Variants in CNTN4 observed in about 807,000 individuals in gnomAD.
CNTN4 encodes contactin 4, also known as contactin-4.
In CNTN4, 77 loss-of-function variants were observed where a neutral mutation model predicts 122.5. That is an observed-to-expected ratio of 0.63 (90% confidence interval 0.52 to 0.76). The LOEUF (loss-of-function observed/expected upper bound fraction) is 0.76. CNTN4 is among the 30% of genes least tolerant of loss of function. CNTN4 has a pLI of 0.00. For missense variants in CNTN4, 1,256 were observed against 1,259.1 expected (o/e 1.00, Z 0.04); for synonymous variants, 512 against 447.0 (o/e 1.15, Z -1.83).
chr3:2,569,745 C>T (rs2079337026), intron 3 of CNTN4, among the ~76,000 whole-genome samples: 1 of 151,898 alleles, frequency 6.6e-6, no homozygotes, highest in Admixed American at 6.6e-5. Flanking sequence ...ATGAGATCTC[C>T]CGGTTCCATA....
At chr3:2,237,846 G>T (rs2039744757) in intron 2 of CNTN4, among the ~76,000 whole-genome samples, 1 of 151,916 alleles carries the variant, frequency 6.6e-6, no homozygotes, top group Non-Finnish European at 1.5e-5. Context: ...AATTAATTTT[G>T]CTTACTTCAG....
At chr3:2,582,314 C>A (rs1169260156) in intron 4 of CNTN4, among the ~76,000 whole-genome samples, 1 of 152,164 alleles carries the variant, frequency 6.6e-6, no homozygotes, top group Non-Finnish European at 1.5e-5. Flanking sequence ...CCAGTTCTCT[C>A]ATTTTACACA....
chr3:2,723,757 G>A (rs921140746), intron 4 of CNTN4, among the ~76,000 whole-genome samples: 1 of 152,166 alleles, frequency 6.6e-6, no homozygotes, highest in Non-Finnish European at 1.5e-5. Flanking sequence ...ATAGTGCTCA[G>A]CGTACCAGAA....
chr3:2,959,995 C>A (rs1222710757), intron 13 of CNTN4, among the ~76,000 whole-genome samples: 1 of 152,170 alleles, frequency 6.6e-6, no homozygotes, highest in African/African-American at 2.4e-5. Context: ...GCAGTTCTAT[C>A]TTCAAAGTCC....
At chr3:2,613,131 G>T (rs1002009743) in intron 4 of CNTN4, among the ~76,000 whole-genome samples, 1 of 151,932 alleles carries the variant, frequency 6.6e-6, no homozygotes, top group Admixed American at 6.6e-5. Flanking sequence ...CCTGAGAGTG[G>T]CAACTTAGTT....
At chr3:2,571,232 A>T in intron 3 of CNTN4, 184 bp from the exon 4 acceptor site, 1 of 508,090 alleles carries the variant, frequency 2.0e-6, no homozygotes, top group Non-Finnish European at 3.5e-6. Flanking sequence ...CCCAATTATT[A>T]TCTGCAAGAA....
At chr3:2,260,016 G>T (rs970716381) in intron 2 of CNTN4, among the ~76,000 whole-genome samples, 11 of 152,044 alleles carry the variant, frequency 7.2e-5, no homozygotes, top group Admixed American at 7.2e-4. Flanking sequence ...ATAGGTCATT[G>T]GAATTTTGTA....
chr3:2,948,395 G>C (rs947339062), intron 13 of CNTN4, among the ~76,000 whole-genome samples: 2 of 152,150 alleles, frequency 1.3e-5, no homozygotes, highest in Non-Finnish European at 1.5e-5. Flanking sequence ...GGAGTGCTTC[G>C]TACTCATTTT....
chr3:2,294,784 G>A (rs532389156), intron 2 of CNTN4, among the ~76,000 whole-genome samples: 36 of 152,048 alleles, frequency 2.4e-4, no homozygotes, highest in African/African-American at 6.0e-4. Flanking sequence ...CCATTAACTC[G>A]TCATTTAGCA....
intron 3 of CNTN4, among the ~76,000 whole-genome samples, chr3:2,507,651 C>G (rs2076768555): frequency 6.6e-6 from 1 of 150,496 alleles, no homozygotes; most frequent in Admixed American, 6.7e-5. Context: ...AGGAGAATCA[C>G]TTGAACCCAG....
At chr3:2,989,047 T>C (rs529352737) in intron 14 of CNTN4, 1 of 154,262 alleles carries the variant, frequency 6.5e-6, no homozygotes, top group East Asian at 1.9e-4. Context: ...ATAATTTTTG[T>C]AGCAGAAAGT....
chr3:2,526,779 C>A (rs1282190516), intron 3 of CNTN4, among the ~76,000 whole-genome samples: 1 of 151,940 alleles, frequency 6.6e-6, no homozygotes, highest in East Asian at 1.9e-4. Context: ...TACATCCATG[C>A]TTGGGAGGCA....
At chr3:2,544,824 C>A (rs2078179044) in intron 3 of CNTN4, among the ~76,000 whole-genome samples, 1 of 151,494 alleles carries the variant, frequency 6.6e-6, no homozygotes. Flanking sequence ...AGAACCAATT[C>A]CTGGATTCAT....
In CNTN4 at chr3:2,963,031, A is replaced by G. The variant is rs560669585; in HGVS notation, c.1359-25314A>G. Among the ~76,000 whole-genome samples, 5 of 152,210 alleles carry G rather than the reference A, an allele frequency of 3.3e-5. No individual in the cohort carries two copies. The South Asian group carries it at 1.0e-3, about 32-fold the overall frequency. ...GGGGTTATCCCCTCCCGCATTCTGGATGCCGTATATCTATTAATGCTGCCC... is the reference window on the plus strand; with the variant it reads ...GGGGTTATCCCCTCCCGCATTCTGGGTGCCGTATATCTATTAATGCTGCCC... On this transcript the variant is annotated intron_variant, in intron 13 of 24. Transcript: ENST00000418658.
chr3:2,565,150 G>T (rs575062833), intron 3 of CNTN4, among the ~76,000 whole-genome samples: 1 of 152,142 alleles, frequency 6.6e-6, no homozygotes, highest in East Asian at 1.9e-4. Context: ...CTAAATAAGG[G>T]ATTCCATCCT....
At chr3:2,484,932 G>A (rs1433321557) in intron 3 of CNTN4, among the ~76,000 whole-genome samples, 1 of 152,164 alleles carries the variant, frequency 6.6e-6, no homozygotes, top group African/African-American at 2.4e-5. Flanking sequence ...GCGGGAGCCA[G>A]GGCTGCACCC....
chr3:2,981,323 A>G (rs965016477), intron 13 of CNTN4, among the ~76,000 whole-genome samples: 1 of 151,816 alleles, frequency 6.6e-6, no homozygotes, highest in Non-Finnish European at 1.5e-5. Context: ...GGGCGCCTGT[A>G]GTCCCAGCTA....
chr3:2,696,735 T>C lies in CNTN4; in HGVS notation c.56-39480T>C, dbSNP rs115929506. Among the ~76,000 whole-genome samples, 700 of 152,342 alleles carry C rather than the reference T, an allele frequency of 4.6e-3. 3 individuals are homozygous for C. The highest frequency in any genetic ancestry group is 0.016 in the African/African-American group (659 of 41,578). ...TTTCTTAATATGGAGGTTTGCCATTTGAGGATGCTTCATTGCTTCTCTGAC... is the reference window on the plus strand; with the variant it reads ...TTTCTTAATATGGAGGTTTGCCATTCGAGGATGCTTCATTGCTTCTCTGAC... On this transcript the variant is annotated intron_variant, in intron 4 of 24. Transcript: ENST00000418658.
intron 6 of CNTN4, among the ~76,000 whole-genome samples, chr3:2,746,653 A>G (rs547658699): frequency 6.6e-6 from 1 of 152,344 alleles, no homozygotes; most frequent in South Asian, 2.1e-4. Flanking sequence ...TATTCTCATT[A>G]ACAAAATCCT....
Sources: gnomAD v4.1 joint callset for allele counts (sites outside exome capture counted in the v4.1 genomes callset) on GRCh38, gnomAD v4.1.1 for gene constraint, MANE v1.5 for transcripts, NCBI Gene and HGNC (gene_info 2026-07-23, HGNC 2026-07-21) for gene names.